CDH23: variants seen among roughly 807,000 people sequenced by gnomAD.
CDH23 encodes cadherin-23.
CDH23 carries 189 observed loss-of-function variants against 317.1 expected under a neutral mutation model. The ratio of observed to expected loss-of-function variants is 0.60; its 90% confidence interval spans 0.53 to 0.67. The LOEUF is 0.67. Ranked by LOEUF, CDH23 falls within the 30% of genes least tolerant of loss-of-function variation. The probability of loss-of-function intolerance (pLI) is 0.00; values close to 1 mark genes in which losing one functional copy is unlikely to be tolerated. For synonymous variants in CDH23, 1,839 were observed against 1,876.8 expected, an observed-to-expected ratio of 0.98 and a Z score of 0.52; for missense variants, 4,401 against 4,592.4, an observed-to-expected ratio of 0.96 and a Z score of 1.20.
intron 1 of CDH23, among the ~76,000 whole-genome samples, chr10:71,409,785 A>G (rs2131916350): frequency 6.6e-6 from 1 of 152,264 alleles, no homozygotes. Context: ...TTAAGAGCCC[A>G]GTCCCATGGG....
At chr10:71,402,980 A>G (rs1342325832) in intron 1 of CDH23, among the ~76,000 whole-genome samples, 5 of 151,942 alleles carry the variant, frequency 3.3e-5, no homozygotes, top group Admixed American at 2.0e-4. Context: ...AAATTAGCCG[A>G]GCGTGGTGGC....
Position 71,497,637 on chromosome 10 carries a change from C to T in CDH23, c.146-12445C>T, listed in dbSNP as rs543422972. Among the ~76,000 whole-genome samples the T allele has an allele frequency of 5.3e-4, 81 of 152,330 alleles. 1 individual carries two copies. In the South Asian group the frequency reaches 9.3e-3, roughly 18 times the overall value. ...TTCTCTGCCTGTCTATCCTCCGCTGCGGAGCGCCTTCCTTGTACACAGTAT... is the reference window on the plus strand; with the variant it reads ...TTCTCTGCCTGTCTATCCTCCGCTGTGGAGCGCCTTCCTTGTACACAGTAT... On this transcript the variant is annotated intron_variant, in intron 3 of 69. Transcript: ENST00000224721.
At chr10:71,813,580 AC>A (rs1430934390) in intron 69 of CDH23, among the ~76,000 whole-genome samples, 14 of 151,582 alleles carry the variant, frequency 9.2e-5, no homozygotes, top group African/African-American at 3.4e-4. Flanking sequence ...TTAGAGGAAG[AC>A]CTCAAGAACA....
chr10:71,751,241 C>A lies in CDH23; in HGVS notation c.4845+9320C>A. ...AGACCCAGCCACAACAGCCCACTGT[C>A]CCCCAGCTGGGCTAGATGACCTCAA... On this transcript the variant is annotated intron_variant, in intron 38 of 69. Transcript: ENST00000224721. The surrounding 1 kb of genome is among the most constrained non-coding windows in gnomAD (Gnocchi z 4.9). The A allele has an allele frequency of 6.2e-7, 1 of 1,605,982 alleles. No homozygotes were observed. Among genetic ancestry groups the A allele is most frequent in the Non-Finnish European group, 8.5e-7 (1 of 1,175,638 alleles).
In CDH23 at chr10:71,805,968, C is replaced by G; in HGVS notation, c.8035C>G (p.Leu2679Val). Reference sequence around the variant, plus strand: ...CGGCCTCATCCAGACTGCTCAGCGCCTGGACCGCGAGTCGCAGGCGGTGTA... The same window carrying G: ...CGGCCTCATCCAGACTGCTCAGCGCGTGGACCGCGAGTCGCAGGCGGTGTA... Reference protein sequence around the residue: ...ISGLIQTAQRLDRESQAVYSL... With the variant: ...ISGLIQTAQRVDRESQAVYSL... The change falls in exon 56 of 70, where the codon CTG becomes GTG. Residue 2679 changes from leucine (L) to valine (V), a missense_variant. Transcript: ENST00000224721. 1.3e-6 allele frequency: 2 copies of G among 1,595,300 alleles called. No homozygotes were observed. Among genetic ancestry groups the G allele is most frequent in the Non-Finnish European group, 1.7e-6 (2 of 1,169,380 alleles).
intron 9 of CDH23, among the ~76,000 whole-genome samples, chr10:71,590,316 C>T (rs749829472): frequency 3.9e-5 from 6 of 152,254 alleles, no homozygotes; most frequent in Non-Finnish European, 8.8e-5. Context: ...ACATCTGATT[C>T]TGTTGGGCTG....
chr10:71,772,485 T>C (rs1840708574), intron 38 of CDH23, among the ~76,000 whole-genome samples: 2 of 152,226 alleles, frequency 1.3e-5, no homozygotes, highest in Admixed American at 6.5e-5. Context: ...AACCAGGCCA[T>C]GGGTACCAGG....
At chr10:71,688,690 CGGTGGTGGAGCCAGG>C (rs1564733303) in intron 19 of CDH23, among the ~76,000 whole-genome samples, 67 of 6,590 alleles carry the variant, frequency 0.01, no homozygotes, top group Middle Eastern at 0.12. Context: ...GTGGAGCCAA[CGGTGGTGGAGCCAGG>C]GGTGGTGGAG....
intron 3 of CDH23, among the ~76,000 whole-genome samples, chr10:71,479,060 C>T (rs1851935946): frequency 6.6e-6 from 1 of 152,198 alleles, no homozygotes; most frequent in Non-Finnish European, 1.5e-5. Context: ...TGGTTCTTCA[C>T]TGAGTCCTCA....
At chr10:71,676,603 G>A (rs551922791) in intron 15 of CDH23, among the ~76,000 whole-genome samples, 14 of 152,258 alleles carry the variant, frequency 9.2e-5, no homozygotes, top group African/African-American at 3.1e-4. Context: ...CTCCAGCCTG[G>A]GTGACACAGT....
chr10:71,460,633 C>T (rs1415423112), intron 3 of CDH23, among the ~76,000 whole-genome samples: 1 of 152,254 alleles, frequency 6.6e-6, no homozygotes, highest in African/African-American at 2.4e-5. Context: ...CTCCCACACT[C>T]TGGAGTGAGC....
chr10:71,430,918 G>T (rs1422148651), intron 1 of CDH23, among the ~76,000 whole-genome samples: 1 of 152,228 alleles, frequency 6.6e-6, no homozygotes, highest in East Asian at 1.9e-4. Context: ...AACTCCGTAT[G>T]TACTGAAATG....
Position 71,798,535 on chromosome 10 carries a change from C to T in CDH23, c.7011C>T (p.Asp2337=), listed in dbSNP as rs749516076. 2 of 1,613,566 alleles carry T rather than the reference C, an allele frequency of 1.2e-6. No homozygotes were observed. Among genetic ancestry groups the T allele is most frequent in the Middle Eastern group, 1.7e-4 (1 of 6,000 alleles). Residue 2337 remains aspartate, a synonymous_variant, in exon 50 of 70, where the codon GAC becomes GAT. Transcript: ENST00000224721. ...GGCTGGTCACCTACACCCTGCTGGACCTGGTGCCCCCAGGGTATGTCCAGC... is the reference window on the plus strand; with the variant it reads ...GGCTGGTCACCTACACCCTGCTGGATCTGGTGCCCCCAGGGTATGTCCAGC... The part of the protein sequence containing the change: ...LNGLVTYTLL[D]LVPPGYVQLE...
In CDH23 at chr10:71,530,977, A is replaced by G. The variant is rs114087135; in HGVS notation, c.429+19765A>G. Among the ~76,000 whole-genome samples the G allele has an allele frequency of 9.5e-3, 1,454 of 152,300 alleles. 27 individuals carry two copies. The highest frequency in any genetic ancestry group is 0.033 in the African/African-American group (1,386 of 41,550). The stretch of plus-strand genomic sequence containing the variant: ...TGATACATAGAGAGCCTGTCTGAAC[A>G]CCTTGCTTTGGCATGAGGCTCTCGG... On this transcript the variant is annotated intron_variant, in intron 6 of 69. Transcript: ENST00000224721.
intron 8 of CDH23, 67 bp from the exon 9 acceptor site, chr10:71,577,847 A>G (rs895071003): frequency 2.9e-6 from 4 of 1,359,142 alleles, no homozygotes; most frequent in South Asian, 1.2e-5. Context: ...TGTGGGTGCC[A>G]TGATAGCTAC....
In CDH23 at chr10:71,773,453, G is replaced by C. The variant is rs780684543; in HGVS notation, c.4846-4227G>C. On this transcript the variant is annotated intron_variant, in intron 38 of 69. Coordinates refer to ENST00000224721, the MANE Select transcript of CDH23 (RefSeq NM_022124.6). ...GGGGACGCCCATGTCGCCGTCGGAC[G>C]CGCAGAGGAACTTCTGGTGCCGGGG... The C allele has an allele frequency of 6.3e-6, 10 of 1,582,746 alleles. No homozygotes were observed. In the East Asian group the frequency reaches 2.3e-4, roughly 36 times the overall value.
At chr10:71,703,988 G>A (rs570762470) in intron 24 of CDH23, among the ~76,000 whole-genome samples, 1 of 152,334 alleles carries the variant, frequency 6.6e-6, no homozygotes, top group Admixed American at 6.5e-5. Flanking sequence ...TTGAACTGTG[G>A]CTCCCTGGTC....
intron 1 of CDH23, among the ~76,000 whole-genome samples, chr10:71,421,900 T>C (rs889548462): frequency 2.6e-5 from 4 of 151,906 alleles, no homozygotes; most frequent in African/African-American, 9.7e-5. Context: ...CGTGTGAAGC[T>C]TTTGGGTCAT....
Position 71,801,363 on chromosome 10 carries a change from G to A in CDH23, c.7482+608G>A, listed in dbSNP as rs551143956. 5.4e-3 allele frequency among the ~76,000 whole-genome samples: 817 copies of A among 151,722 alleles called. 14 individuals are homozygous for A. Among genetic ancestry groups the A allele is most frequent in the African/African-American group, 0.019 (786 of 41,348 alleles). Reference sequence around the variant, plus strand: ...GAGACGGGGTTTCTCCATGTTGGTCGGGCTGGTCTCGAACTCCCGACCTCA... The same window carrying A: ...GAGACGGGGTTTCTCCATGTTGGTCAGGCTGGTCTCGAACTCCCGACCTCA... On this transcript the variant is annotated intron_variant, in intron 53 of 69. Coordinates refer to ENST00000224721, the MANE Select transcript of CDH23 (RefSeq NM_022124.6).
Sources: allele counts gnomAD v4.1 joint callset (sites outside exome capture counted in the v4.1 genomes callset), GRCh38; gene constraint gnomAD v4.1.1; non-coding constraint Gnocchi (gnomAD v3.1); transcripts MANE v1.5; gene names NCBI Gene and HGNC (gene_info 2026-07-23, HGNC 2026-07-21).